The following DGKI variants were observed in gnomAD, a reference collection of about 807,000 sequenced individuals.
The protein encoded by DGKI is diacylglycerol kinase iota.
A neutral mutation model predicts 147.5 loss-of-function variants in DGKI; 55 were observed. The ratio of observed to expected loss-of-function variants is 0.37; its 90% confidence interval spans 0.30 to 0.47. The LOEUF is 0.47. Among genes scored for constraint, DGKI ranks in the 20% least tolerant of loss-of-function variants. The pLI, the probability that DGKI is intolerant of heterozygous loss-of-function variation, is 1.00. For missense variants in DGKI, 1,007 were observed against 1,323.8 expected (o/e 0.76, Z 3.71); for synonymous variants, 469 against 477.1 (o/e 0.98, Z 0.22).
chr7:137,829,038 C>A (rs1303673837), intron 1 of DGKI, among the ~76,000 whole-genome samples: 1 of 152,168 alleles, frequency 6.6e-6, no homozygotes, highest in Non-Finnish European at 1.5e-5. Context: ...TTCCCATAAC[C>A]TTTATTCTAC....
intron 13 of DGKI, among the ~76,000 whole-genome samples, 198 bp from the exon 14 acceptor site, chr7:137,585,544 G>A (rs1353812879): frequency 6.6e-6 from 1 of 152,186 alleles, no homozygotes. Flanking sequence ...ACTAGTTCTG[G>A]CTGGTTTGAG....
intron 27 of DGKI, among the ~76,000 whole-genome samples, chr7:137,461,927 A>G (rs545374979): frequency 1.3e-5 from 2 of 152,260 alleles, no homozygotes; most frequent in African/African-American, 4.8e-5. Context: ...GGTTTTAAGA[A>G]CCTGGCTATT....
At chr7:137,634,882 C>T (rs1007120132) in intron 6 of DGKI, among the ~76,000 whole-genome samples, 2 of 152,178 alleles carry the variant, frequency 1.3e-5, no homozygotes, top group Admixed American at 1.3e-4. Flanking sequence ...GGCATAACTT[C>T]AGGTGAAGCA....
intron 23 of DGKI, among the ~76,000 whole-genome samples, chr7:137,475,105 G>T (rs1311362812): frequency 1.3e-5 from 2 of 152,078 alleles, no homozygotes; most frequent in Non-Finnish European, 2.9e-5. Context: ...TCACATGAGG[G>T]TCTCATGGGA....
intron 1 of DGKI, among the ~76,000 whole-genome samples, chr7:137,707,001 T>C (rs1484575587): frequency 6.6e-6 from 1 of 152,236 alleles, no homozygotes; most frequent in Non-Finnish European, 1.5e-5. Flanking sequence ...AAGAGCTTTA[T>C]TTTCCAACAG....
intron 1 of DGKI, among the ~76,000 whole-genome samples, chr7:137,752,794 A>C (rs958060127): frequency 6.6e-6 from 1 of 152,116 alleles, no homozygotes; most frequent in African/African-American, 2.4e-5. Context: ...TGGAGATGTG[A>C]GTCTTGCCGA....
At chr7:137,739,806 C>T (rs540400408) in intron 1 of DGKI, among the ~76,000 whole-genome samples, 2 of 152,292 alleles carry the variant, frequency 1.3e-5, no homozygotes, top group African/African-American at 4.8e-5. Flanking sequence ...GTCAATAGAG[C>T]ATATGAGAGT....
intron 1 of DGKI, among the ~76,000 whole-genome samples, chr7:137,803,439 A>G (rs1018410072): frequency 3.3e-5 from 5 of 152,228 alleles, no homozygotes; most frequent in African/African-American, 1.2e-4. Context: ...AGATCCTCAT[A>G]TGAATCCTAT....
chr7:137,698,956 G>C (rs1823885984), intron 1 of DGKI, among the ~76,000 whole-genome samples: 1 of 152,152 alleles, frequency 6.6e-6, no homozygotes, highest in Non-Finnish European at 1.5e-5. Flanking sequence ...TGGACTAAAT[G>C]CTGTCCATGA....
chr7:137,621,698 G>A (rs1157755176), intron 7 of DGKI, among the ~76,000 whole-genome samples: 1 of 152,250 alleles, frequency 6.6e-6, no homozygotes, highest in African/African-American at 2.4e-5. Flanking sequence ...ACAATGGTCA[G>A]GTGAAAGTTG....
At chr7:137,536,179 C>G (rs1331565825) in intron 20 of DGKI, among the ~76,000 whole-genome samples, 1 of 152,092 alleles carries the variant, frequency 6.6e-6, no homozygotes, top group Non-Finnish European at 1.5e-5. Context: ...GTGATATTGA[C>G]AGCAGAGATA....
At chr7:137,609,481 T>C in intron 9 of DGKI, 54 bp downstream of exon 9, 1 of 1,385,226 alleles carries the variant, frequency 7.2e-7, no homozygotes, top group Non-Finnish European at 1.0e-6. Flanking sequence ...TAGGACAGAG[T>C]AGACTATGGA....
chr7:137,468,229 T>C (rs930903481), intron 24 of DGKI, among the ~76,000 whole-genome samples: 18 of 152,140 alleles, frequency 1.2e-4, no homozygotes, highest in African/African-American at 3.4e-4. Flanking sequence ...AAGAATAGAA[T>C]AAAATCTGCC....
chr7:137,485,353 G>T, intron 23 of DGKI, 21 bp downstream of exon 23: 1 of 1,591,234 alleles, frequency 6.3e-7, no homozygotes, highest in Non-Finnish European at 8.6e-7. Flanking sequence ...TAAGAAACAA[G>T]GAGAGTCAAT....
intron 8 of DGKI, 37 bp downstream of exon 8, chr7:137,619,787 T>C (rs749282514): frequency 1.1e-5 from 17 of 1,522,134 alleles, no homozygotes; most frequent in East Asian, 6.7e-5. Context: ...CATTTTTCTC[T>C]GCACTGGCCC....
intron 8 of DGKI, among the ~76,000 whole-genome samples, chr7:137,619,516 A>C (rs1180207349): frequency 6.6e-6 from 1 of 152,178 alleles, no homozygotes; most frequent in Non-Finnish European, 1.5e-5. Flanking sequence ...AGCTATACCC[A>C]CCACTAGTAC....
At chr7:137,524,705 C>T (rs1044368616) in intron 20 of DGKI, among the ~76,000 whole-genome samples, 1 of 152,010 alleles carries the variant, frequency 6.6e-6, no homozygotes, top group Non-Finnish European at 1.5e-5. Context: ...CCTATCAGAC[C>T]CTAATAGGAG....
chr7:137,840,972 A>G (rs544673542), intron 1 of DGKI, among the ~76,000 whole-genome samples: 1 of 152,386 alleles, frequency 6.6e-6, no homozygotes, highest in South Asian at 2.1e-4. Context: ...CATGTCCTTT[A>G]AATAAAGTAA....
chr7:137,581,387 A>G (rs1198807354), intron 15 of DGKI, among the ~76,000 whole-genome samples: 18 of 152,102 alleles, frequency 1.2e-4, no homozygotes, highest in Admixed American at 6.6e-5. Context: ...TGTTTCTTTT[A>G]TACAAACAGA....
Sources: allele counts gnomAD v4.1 joint callset (sites outside exome capture counted in the v4.1 genomes callset), GRCh38; gene constraint gnomAD v4.1.1; transcripts MANE v1.5; gene names NCBI Gene and HGNC (gene_info 2026-07-23, HGNC 2026-07-21).